TPPP: variants seen among roughly 807,000 people sequenced by gnomAD.
TPPP encodes the protein tubulin polymerization-promoting protein.
TPPP carries 6 observed loss-of-function variants against 15.5 expected under a neutral mutation model. The ratio of observed to expected loss-of-function variants is 0.39; its 90% CI spans 0.21 to 0.77. TPPP has a LOEUF of 0.77. Ranked by LOEUF, TPPP falls within the 30% of genes least tolerant of loss-of-function variation. The pLI, the probability that TPPP is intolerant of heterozygous loss-of-function variation, is 0.42. For missense variants in TPPP, 269 were observed against 307.2 expected, an observed-to-expected ratio of 0.88 and a Z score of 0.93; for synonymous variants, 146 against 133.9, an observed-to-expected ratio of 1.09 and a Z score of -0.63.
chr5:681,379 CA>C (rs1323506476), intron 1 of TPPP, among the ~76,000 whole-genome samples: 3 of 152,172 alleles, frequency 2.0e-5, no homozygotes, highest in African/African-American at 7.2e-5. Flanking sequence ...CCTGAGCCCC[CA>C]GGGGGTCACC....
At chr5:665,452 C>T (rs1351210185) in intron 3 of TPPP, 156 bp from the exon 4 acceptor site, 25 of 707,714 alleles carry the variant, frequency 3.5e-5, no homozygotes, top group Admixed American at 2.9e-5. Context: ...CTTATTTTTA[C>T]CTCTCCTGAC....
intron 1 of TPPP, among the ~76,000 whole-genome samples, chr5:685,336 C>T (rs912287651): frequency 6.6e-6 from 1 of 152,202 alleles, no homozygotes; most frequent in African/African-American, 2.4e-5. Context: ...AGGAGGAGGG[C>T]AGGGTGGAGT....
At chr5:692,771 C>T in intron 1 of TPPP, 1 of 951,094 alleles carries the variant, frequency 1.1e-6, no homozygotes, top group Non-Finnish European at 1.3e-6. Flanking sequence ...TGTCAGGACC[C>T]TGAGATGGGC....
intron 2 of TPPP, among the ~76,000 whole-genome samples, chr5:672,855 G>A (rs79736710): frequency 1.4e-4 from 22 of 152,230 alleles, no homozygotes; most frequent in Non-Finnish European, 2.9e-4. Context: ...AAAACCTGGC[G>A]TAAGGCTGCA....
upstream of TPPP, among the ~76,000 whole-genome samples, chr5:693,580 G>T (rs1740957904): frequency 6.6e-6 from 1 of 151,728 alleles, no homozygotes; most frequent in Non-Finnish European, 1.5e-5. Context: ...GGACCGCCGG[G>T]TATCCGCTCA....
At chr5:698,465 T>C in the TPPP span, among the ~76,000 whole-genome samples, 1 of 152,022 alleles carries the variant, frequency 6.6e-6, no homozygotes, top group African/African-American at 2.4e-5. Flanking sequence ...ACTGGGTAAT[T>C]TATAAACAAA....
At chr5:693,683 C>G (rs1246109525), upstream of TPPP, among the ~76,000 whole-genome samples, 1 of 151,508 alleles carries the variant, frequency 6.6e-6, no homozygotes, top group Admixed American at 6.6e-5. Flanking sequence ...CGGGGACGAC[C>G]GGACCCCGAT....
chr5:671,227 G>A (rs531172007), intron 2 of TPPP, among the ~76,000 whole-genome samples: 137 of 151,904 alleles, frequency 9.0e-4, no homozygotes, highest in African/African-American at 2.9e-3. Flanking sequence ...CGTTGCTGCC[G>A]GCCTTTTCGT....
chr5:687,185 C>T (rs1398681473), intron 1 of TPPP, among the ~76,000 whole-genome samples: 1 of 141,108 alleles, frequency 7.1e-6, no homozygotes, highest in Non-Finnish European at 1.6e-5. Context: ...GAAGCTGACT[C>T]ATGAGATGCC....
chr5:673,959 G>A (rs1032920124), intron 2 of TPPP, among the ~76,000 whole-genome samples: 15 of 152,246 alleles, frequency 9.9e-5, no homozygotes, highest in East Asian at 9.6e-4. Context: ...GTGCACATGC[G>A]GCCATGTGCA....
At chr5:693,115 T>A (rs1287985421) in intron 1 of TPPP, among the ~76,000 whole-genome samples, 163 bp downstream of exon 1, 2 of 101,350 alleles carry the variant, frequency 2.0e-5, no homozygotes, top group African/African-American at 6.9e-5. Flanking sequence ...GGCATCCCAA[T>A]CCGGGGGCTC....
At chr5:685,345 G>A (rs1041942495) in intron 1 of TPPP, among the ~76,000 whole-genome samples, 3 of 152,234 alleles carry the variant, frequency 2.0e-5, no homozygotes, top group African/African-American at 7.2e-5. Context: ...GCAGGGTGGA[G>A]TCCTGTGGCA....
intron 2 of TPPP, among the ~76,000 whole-genome samples, chr5:673,464 AG>A (rs1241020927): frequency 2.0e-5 from 3 of 151,044 alleles, no homozygotes; most frequent in East Asian, 3.9e-4. Context: ...GTGAATGGGG[AG>A]GGGGGGAGGT....
chr5:698,361 A>G, the TPPP span, among the ~76,000 whole-genome samples: 3 of 152,058 alleles, frequency 2.0e-5, 1 homozygote, highest in Admixed American at 6.6e-5. Flanking sequence ...ATTGGAGAAG[A>G]AGGAGCCCAA....
At chr5:673,624 G>A (rs891462499) in intron 2 of TPPP, among the ~76,000 whole-genome samples, 9 of 152,298 alleles carry the variant, frequency 5.9e-5, no homozygotes, top group East Asian at 1.9e-4. Flanking sequence ...TCAACCCCTC[G>A]CTGGGCTTGG....
At chr5:674,199 G>A (rs2126890433) in intron 2 of TPPP, among the ~76,000 whole-genome samples, 1 of 152,310 alleles carries the variant, frequency 6.6e-6, no homozygotes, top group African/African-American at 2.4e-5. Context: ...GTGTATCCTG[G>A]AACACACATT....
chr5:693,892 A>G (rs1295605399), upstream of TPPP, among the ~76,000 whole-genome samples: 6 of 149,174 alleles, frequency 4.0e-5, no homozygotes, highest in Admixed American at 2.0e-4. Context: ...TCGGACCCCA[A>G]GGCGGGGCGC....
At chr5:673,416 C>T (rs1336188535) in intron 2 of TPPP, among the ~76,000 whole-genome samples, 1 of 152,022 alleles carries the variant, frequency 6.6e-6, no homozygotes, top group African/African-American at 2.4e-5. Flanking sequence ...GTGGGGGCAG[C>T]CCTGGGGGGC....
At chr5:671,691 A>G (rs1033469115) in intron 2 of TPPP, among the ~76,000 whole-genome samples, 5 of 152,202 alleles carry the variant, frequency 3.3e-5, no homozygotes, top group Admixed American at 2.6e-4. Flanking sequence ...ACAGACGTCC[A>G]TGGCCAAGGG....
Sources: allele counts gnomAD v4.1 joint callset (sites outside exome capture counted in the v4.1 genomes callset), GRCh38; gene constraint gnomAD v4.1.1; transcripts MANE v1.5; gene names NCBI Gene and HGNC (gene_info 2026-07-23, HGNC 2026-07-21).